TTC27: variants seen among roughly 807,000 people sequenced by gnomAD.
The protein encoded by TTC27 is tetratricopeptide repeat domain 27.
Under a neutral mutation model 115.9 loss-of-function variants are expected in TTC27, and 79 were observed. The ratio of observed to expected loss-of-function variants is 0.68; its 90% CI spans 0.57 to 0.82. The LOEUF (loss-of-function observed/expected upper bound fraction) is 0.82, where lower values mean the gene tolerates loss of function less well. TTC27 is among the 40% of genes least tolerant of loss of function. TTC27 has a pLI of 0.00. For synonymous variants in TTC27, 401 were observed against 356.0 expected, an observed-to-expected ratio of 1.13 and a Z score of -1.42; for missense variants, 1,054 against 993.1, an observed-to-expected ratio of 1.06 and a Z score of -0.82.
intron 13 of TTC27, among the ~76,000 whole-genome samples, chr2:32,763,599 A>C (rs1669521001): frequency 1.3e-5 from 2 of 152,236 alleles, no homozygotes; most frequent in South Asian, 4.1e-4. Context: ...AAAACAAAGA[A>C]CTTCTATAAA....
At position 32,723,971 on chromosome 2, in the gene TTC27, CTTT is replaced by C. The variant is rs36120062; in HGVS notation, c.1234-9842_1234-9840del. Among the ~76,000 whole-genome samples, 9 of 92,422 alleles carry C rather than the reference CTTT, an allele frequency of 9.7e-5. 1 individual carries two copies. The highest frequency in any genetic ancestry group is 9.8e-4 in the South Asian group (2 of 2,040). 60.6% of individuals were successfully genotyped at this position (92,422 alleles called of 152,430 possible). A position where few individuals can be genotyped will look rare whatever the true frequency, so the allele number is the denominator to read the frequency against. Reference sequence around the variant, plus strand: ...TGAGCCACCAGCTGGCATACATAAGCTTTTTTTTTTTTTTTTTATAGAAAGGAT... The same window carrying C: ...TGAGCCACCAGCTGGCATACATAAGCTTTTTTTTTTTTTTATAGAAAGGAT... On this transcript the variant is annotated intron_variant, in intron 10 of 19. Transcript: ENST00000317907.
intron 15 of TTC27, among the ~76,000 whole-genome samples, chr2:32,784,326 A>G (rs1217515736): frequency 6.6e-6 from 1 of 152,196 alleles, no homozygotes; most frequent in Non-Finnish European, 1.5e-5. Flanking sequence ...TCTGAGATAA[A>G]TCATTTCTTT....
At chr2:32,742,907 T>A (rs572260822) in intron 12 of TTC27, among the ~76,000 whole-genome samples, 20 of 152,194 alleles carry the variant, frequency 1.3e-4, no homozygotes, top group Middle Eastern at 6.8e-3. Context: ...TTTTTAAAAA[T>A]TTTTTTTAAT....
chr2:32,786,728 A>G (rs1224760780), intron 15 of TTC27, among the ~76,000 whole-genome samples: 3 of 152,190 alleles, frequency 2.0e-5, no homozygotes, highest in African/African-American at 4.8e-5. Context: ...TAGTTTTAAA[A>G]TAATGTCCTT....
At chr2:32,698,074 G>C (rs1290984634) in intron 9 of TTC27, among the ~76,000 whole-genome samples, 2 of 152,184 alleles carry the variant, frequency 1.3e-5, no homozygotes, top group East Asian at 3.9e-4. Flanking sequence ...TACAAAGCAT[G>C]GTAGCACATT....
chr2:32,804,643 TACAC>T (rs985554863), intron 16 of TTC27, among the ~76,000 whole-genome samples: 30 of 152,100 alleles, frequency 2.0e-4, no homozygotes, highest in Non-Finnish European at 4.1e-4. Flanking sequence ...TTATAAAACT[TACAC>T]ATAATAAAAA....
intron 12 of TTC27, among the ~76,000 whole-genome samples, chr2:32,741,665 CAA>C (rs1553313963): frequency 2.6e-5 from 1 of 37,830 alleles, no homozygotes; most frequent in East Asian, 2.6e-3. Context: ...AAACAAAAAA[CAA>C]AACAACAACA....
At chr2:32,642,247 A>ATT (rs10634857) in intron 4 of TTC27, among the ~76,000 whole-genome samples, 60,203 of 102,208 alleles carry the variant, frequency 0.59, 18,033 homozygotes, top group Non-Finnish European at 0.64. Context: ...TATACACTAA[A>ATT]TTTTTTTTTT....
At position 32,787,721 on chromosome 2, in the gene TTC27, A is replaced by C. The variant is rs529728696; in HGVS notation, c.1998+572A>C. ...GACCATTTTGGTTTAATTGTAGTTG[A>C]AGACAATATGCTGTCTTCAGTGTAA... On this transcript the variant is annotated intron_variant, in intron 16 of 19. Transcript: ENST00000317907. Among the ~76,000 whole-genome samples the C allele has an allele frequency of 4.8e-4, 73 of 152,284 alleles. No individual in the cohort carries two copies. In the South Asian group the frequency reaches 0.015, roughly 31 times the overall value.
At chr2:32,711,815 C>T (rs62133870) in intron 10 of TTC27, among the ~76,000 whole-genome samples, 1 of 152,022 alleles carries the variant, frequency 6.6e-6, no homozygotes, top group South Asian at 2.1e-4. Context: ...TGGCAGGCAC[C>T]TGTAATCCCA....
chr2:32,629,026 C>T (rs1251375654), intron 1 of TTC27, among the ~76,000 whole-genome samples: 1 of 152,030 alleles, frequency 6.6e-6, no homozygotes, highest in Non-Finnish European at 1.5e-5. Flanking sequence ...TCCCAAAGTG[C>T]TGGGATTACA....
intron 9 of TTC27, among the ~76,000 whole-genome samples, chr2:32,690,148 G>A (rs1162337550): frequency 1.3e-5 from 2 of 152,132 alleles, no homozygotes; most frequent in Non-Finnish European, 2.9e-5. Context: ...AAAAAACATG[G>A]TTTTGTTATA....
intron 16 of TTC27, among the ~76,000 whole-genome samples, chr2:32,802,547 A>G (rs1008933220): frequency 2.6e-5 from 4 of 152,156 alleles, no homozygotes; most frequent in Non-Finnish European, 4.4e-5. Context: ...TATCTCCCCT[A>G]GTCCACTTAG....
intron 13 of TTC27, among the ~76,000 whole-genome samples, chr2:32,763,019 CAG>C (rs1160978072): frequency 6.6e-6 from 1 of 152,164 alleles, no homozygotes; most frequent in African/African-American, 2.4e-5. Flanking sequence ...AGGGAAGTCA[CAG>C]GGGAGAACTT....
intron 10 of TTC27, among the ~76,000 whole-genome samples, chr2:32,706,964 C>T (rs1156392104): frequency 2.0e-5 from 3 of 152,162 alleles, no homozygotes; most frequent in Non-Finnish European, 4.4e-5. Context: ...AAGTTGTGAA[C>T]AGTAGGATGT....
chr2:32,793,861 A>G (rs569979537), intron 16 of TTC27, among the ~76,000 whole-genome samples: 200 of 152,192 alleles, frequency 1.3e-3, no homozygotes, highest in African/African-American at 4.5e-3. Flanking sequence ...TTTGTTTTCC[A>G]TATGATTTAA....
chr2:32,709,662 TCC>T (rs201120978), intron 10 of TTC27, among the ~76,000 whole-genome samples: 1,930 of 152,264 alleles, frequency 0.013, 36 homozygotes, highest in African/African-American at 0.045. Context: ...TGCCTTCTCT[TCC>T]CTATCACTGG....
At chr2:32,696,956 T>C (rs1171187117) in intron 9 of TTC27, among the ~76,000 whole-genome samples, 4 of 152,170 alleles carry the variant, frequency 2.6e-5, no homozygotes, top group African/African-American at 9.7e-5. Context: ...CCTAGCACTT[T>C]GGGAGGCCAA....
chr2:32,666,411 G>A lies in TTC27; in HGVS notation c.806-224G>A, dbSNP rs1665778232. Among the ~76,000 whole-genome samples, 3 of 149,870 alleles carry A rather than the reference G, an allele frequency of 2.0e-5. No individual in the cohort carries two copies. The South Asian group carries it at 6.3e-4, about 31-fold the overall frequency. On this transcript the variant is annotated intron_variant, in intron 6 of 19. Transcript: ENST00000317907. ...TAGTTTGATGCAAAAATTAGTATGT[G>A]GACTGTAGTGGCAGAAATCCTGGGT...
Sources: allele counts gnomAD v4.1 joint callset (sites outside exome capture counted in the v4.1 genomes callset), GRCh38; gene constraint gnomAD v4.1.1; transcripts MANE v1.5; gene names NCBI Gene and HGNC (gene_info 2026-07-23, HGNC 2026-07-21).